The following ZC3H4 variants were observed in gnomAD, a reference collection of about 807,000 sequenced individuals.
The protein encoded by ZC3H4 is zinc finger CCCH domain-containing protein 4.
Under a neutral mutation model 108.3 loss-of-function variants are expected in ZC3H4, and 13 were observed. The ratio of observed to expected loss-of-function variants is 0.12; its 90% CI spans 0.08 to 0.19. The LOEUF is 0.19. Among genes scored for constraint, ZC3H4 ranks in the 10% least tolerant of loss-of-function variants. ZC3H4 has a pLI of 1.00. For missense variants in ZC3H4, 1,734 were observed against 1,838.8 expected (o/e 0.94, Z 1.04); for synonymous variants, 917 against 749.6 (o/e 1.22, Z -3.65).
intron 2 of ZC3H4, chr19:47,097,055 T>G: frequency 1.1e-6 from 1 of 921,650 alleles, no homozygotes; most frequent in Non-Finnish European, 1.3e-6. Flanking sequence ...CAAAAGACCA[T>G]TCAAGGAACT....
intron 6 of ZC3H4, among the ~76,000 whole-genome samples, chr19:47,085,989 G>C (rs1361464231): frequency 6.6e-6 from 1 of 152,032 alleles, no homozygotes; most frequent in Non-Finnish European, 1.5e-5. Context: ...TCAGACTCCT[G>C]CATGAATAGC....
intron 2 of ZC3H4, among the ~76,000 whole-genome samples, chr19:47,108,688 C>T (rs560865548): frequency 2.6e-5 from 4 of 152,338 alleles, no homozygotes; most frequent in Admixed American, 2.6e-4. Flanking sequence ...TGGGATCAGC[C>T]TTCCTGGCTG....
intron 4 of ZC3H4, among the ~76,000 whole-genome samples, chr19:47,091,446 C>T (rs1488332811): frequency 1.3e-5 from 2 of 151,446 alleles, no homozygotes; most frequent in African/African-American, 4.9e-5. Context: ...TGGTGATGGG[C>T]GCCTCTAATC....
At chr19:47,078,245 A>G (rs555988813) in intron 11 of ZC3H4, among the ~76,000 whole-genome samples, 1 of 152,330 alleles carries the variant, frequency 6.6e-6, no homozygotes, top group South Asian at 2.1e-4. Context: ...TTCACGAGGT[A>G]GGTGGCTTAT....
chr19:47,097,408 A>G (rs1001924785), intron 2 of ZC3H4, among the ~76,000 whole-genome samples: 12 of 152,226 alleles, frequency 7.9e-5, no homozygotes, highest in Non-Finnish European at 1.8e-4. Context: ...TGGCCATGTC[A>G]GGCCCTCAAG....
chr19:47,100,537 A>G lies in ZC3H4; in HGVS notation c.162-5929T>C, dbSNP rs114001148. Among the ~76,000 whole-genome samples, 815 of 151,828 alleles carry G rather than the reference A, an allele frequency of 5.4e-3. 14 individuals are homozygous for G. The highest frequency in any genetic ancestry group is 0.019 in the African/African-American group (793 of 41,400). On this transcript the variant is annotated intron_variant, in intron 2 of 14. Coordinates refer to ENST00000253048, the MANE Select transcript of ZC3H4 (RefSeq NM_015168.2). Reference sequence around the variant, plus strand: ...CTGTACCCTACACCCTCACTTCAACATAAGACAGTCTACCCACTGCTGGCA... The same window carrying G: ...CTGTACCCTACACCCTCACTTCAACGTAAGACAGTCTACCCACTGCTGGCA...
chr19:47,067,560 C>T lies in ZC3H4; in HGVS notation c.2708G>A (p.Gly903Asp). 1 of 1,602,304 alleles carries T rather than the reference C, an allele frequency of 6.2e-7. No homozygotes were observed. Among genetic ancestry groups the T allele is most frequent in the Non-Finnish European group, 8.5e-7 (1 of 1,174,426 alleles). ...ARALPTSKPE[G>D]SLHSSPVGPS... ...GCCCACAGGGCTGGAATGAAGGCTGCCTTCGGGCTTGGAGGTGGGCAGGGC... is the reference window on the plus strand; with the variant it reads ...GCCCACAGGGCTGGAATGAAGGCTGTCTTCGGGCTTGGAGGTGGGCAGGGC... Residue 903 changes from glycine to aspartate, a missense_variant, in exon 15 of 15, where the codon GGC (glycine) becomes GAC (aspartate). By Grantham distance (94) the Gly-to-Asp change is moderately conservative. Coordinates refer to ENST00000253048, the MANE Select transcript of ZC3H4 (RefSeq NM_015168.2). The surrounding 1 kb of genome is among the most constrained non-coding windows in gnomAD (Gnocchi z 6.4).
At chr19:47,100,544 A>C (rs2123054671) in intron 2 of ZC3H4, among the ~76,000 whole-genome samples, 1 of 151,866 alleles carries the variant, frequency 6.6e-6, no homozygotes, top group Admixed American at 6.6e-5. Context: ...AACATAAGAC[A>C]GTCTACCCAC....
At chr19:47,069,025 C>G in intron 14 of ZC3H4, 67 bp downstream of exon 14, 1 of 1,595,006 alleles carries the variant, frequency 6.3e-7, no homozygotes, top group Admixed American at 1.7e-5. Flanking sequence ...CTGGAACACC[C>G]CACCACCGCC....
intron 9 of ZC3H4, 94 bp downstream of exon 9, chr19:47,084,251 C>T (rs1261918150): frequency 2.5e-6 from 3 of 1,215,018 alleles, no homozygotes; most frequent in African/African-American, 1.5e-5. Flanking sequence ...GTCACTCCCA[C>T]CCACCCTCAC....
chr19:47,082,321 A>C, intron 9 of ZC3H4, 26 bp from the exon 10 acceptor site: 1 of 1,560,838 alleles, frequency 6.4e-7, no homozygotes. Context: ...CAAAAACATA[A>C]GGTGGTGGCG....
chr19:47,087,659 G>GC (rs1294750930), intron 5 of ZC3H4, among the ~76,000 whole-genome samples: 1 of 151,480 alleles, frequency 6.6e-6, no homozygotes, highest in Non-Finnish European at 1.5e-5. Context: ...CGGGTGGATT[G>GC]CCCGAGCTCA....
Position 47,067,639 on chromosome 19 carries a change from A to AGG in ZC3H4, c.2628_2629insCC (p.Ser877ProfsTer62). 6.2e-7 allele frequency: 1 copy of AGG among 1,605,160 alleles called. No homozygotes were observed. ...GAATCACCTGGGCCAGACCCGCCAG[A>AGG]AGCCTCCACATGGCGGGTGAGTCTG... is the stretch of plus-strand genomic sequence containing the variant. On this transcript the variant is annotated frameshift_variant, in exon 15 of 15. Coordinates refer to ENST00000253048, the MANE Select transcript of ZC3H4 (RefSeq NM_015168.2). LOFTEE classifies it low-confidence loss of function (END_TRUNC). This position sits in a 1 kb window ranked among gnomAD's most constrained non-coding sequence, Gnocchi z 6.4.
Position 47,064,686 on chromosome 19 carries a change from C to T in ZC3H4, c.*1670G>A, listed in dbSNP as rs1428633782. On this transcript the variant is annotated 3_prime_UTR_variant, in exon 15 of 15. Coordinates refer to ENST00000253048, the MANE Select transcript of ZC3H4 (RefSeq NM_015168.2). ...TGTGCCCTCTGCTTCAAGGCCAACA[C>T]TGGTGGCTGAAGACAAATCTCATTA... 2 of 144,808 alleles carry T rather than the reference C, an allele frequency of 1.4e-5. No homozygotes were observed. The highest frequency in any genetic ancestry group is 3.0e-5 in the Non-Finnish European group (2 of 66,854). 9.0% of individuals were successfully genotyped at this position (144,808 alleles called of 1,614,324 possible).
At position 47,094,599 on chromosome 19, in the gene ZC3H4, T is replaced by G. The variant is rs2057791741; in HGVS notation, c.171A>C (p.Gly57=). 1 of 1,613,910 alleles carries G rather than the reference T, an allele frequency of 6.2e-7. No homozygotes were observed. The highest frequency in any genetic ancestry group is 8.5e-7 in the Non-Finnish European group (1 of 1,179,992). The change falls in exon 3 of 15, where the codon GGA becomes GGC. Residue 57 remains glycine, a synonymous_variant. Coordinates refer to ENST00000253048, the MANE Select transcript of ZC3H4 (RefSeq NM_015168.2). ...RLPLPDDRED[G]ELEEGELEDD... is the part of the protein sequence containing the mutation. ...CTTCCAATTCACCTTCTTCCAACTC[T>G]CCATCTTCCCTACAAACAAACCCCA...
rs1185234258 is a variant in ZC3H4, at chr19:47,071,960, C to A, written c.1964G>T (p.Gly655Val). Residue 655 changes from glycine (G) to valine (V), a missense_variant, in exon 13 of 15, where the codon GGC becomes GTC. Gly to Val is a moderately radical substitution (Grantham distance 109). This residue lies in a region of ZC3H4 where 540 missense variants were observed against 484.1 expected (regional missense o/e 1.12). Transcript: ENST00000253048. The part of the protein sequence containing the change: ...HADMHADMPM[G>V]PGMNPGPPMG... The stretch of plus-strand genomic sequence containing the variant: ...GGGTGGGCCAGGATTCATGCCAGGG[C>A]CCATCGGCATGTCTGCGTGCATGTC... The A allele has an allele frequency of 1.2e-6, 2 of 1,612,642 alleles. No homozygotes were observed. The highest frequency in any genetic ancestry group is 4.5e-5 in the East Asian group (2 of 44,860).
Position 47,072,054 on chromosome 19 carries a change from T to A in ZC3H4, c.1870A>T (p.Met624Leu). The change falls in exon 13 of 15, where the codon ATG becomes TTG. Residue 624 changes from methionine (M) to leucine (L), a missense_variant. Coordinates refer to ENST00000253048, the MANE Select transcript of ZC3H4 (RefSeq NM_015168.2). The surrounding 1 kb of genome is among the most constrained non-coding windows in gnomAD (Gnocchi z 5.6). ...PGPNMGPPGP[M>L]GGPMHPDMHP... is the part of the protein sequence containing the mutation. ...ATGTCAGGATGCATTGGACCGCCCA[T>A]TGGCCCTGGGGGTCCCATGTTGGGC... 1.3e-6 allele frequency: 2 copies of A among 1,584,602 alleles called. No individual in the cohort carries two copies. The highest frequency in any genetic ancestry group is 2.3e-5 in the East Asian group (1 of 43,156).
At chr19:47,090,310 G>A in intron 4 of ZC3H4, 121 bp from the exon 5 acceptor site, 1 of 1,099,964 alleles carries the variant, frequency 9.1e-7, no homozygotes, top group Non-Finnish European at 1.3e-6. Context: ...CTGTCCCAGG[G>A]TTGCACTGCT....
rs2057777848 is a variant in ZC3H4, at chr19:47,093,897, C to CA, written c.492+72dup. ...CTCACAAAAAATGCCCAGAACACAG[C>CA]AAGTGCTCAAGAAACACAAGCAGTT... On this transcript the variant is annotated intron_variant, in intron 4 of 14. Transcript: ENST00000253048. 2.9e-6 allele frequency: 4 copies of CA among 1,356,254 alleles called. No homozygotes were observed. In the South Asian group the frequency reaches 3.8e-5, roughly 13 times the overall value. The allele number at this position is 1,356,254 out of a possible 1,614,324, so 84.0% of individuals were successfully genotyped here. A position where few individuals can be genotyped will look rare whatever the true frequency, so the allele number is the denominator to read the frequency against.
Sources: gnomAD v4.1 joint callset for allele counts (sites outside exome capture counted in the v4.1 genomes callset) on GRCh38, gnomAD v4.1.1 for gene constraint, gnomAD v4.1.1 regional missense constraint, Gnocchi (gnomAD v3.1) non-coding constraint, MANE v1.5 for transcripts, NCBI Gene and HGNC (gene_info 2026-07-23, HGNC 2026-07-21) for gene names.